The following GRID2 variants were observed in gnomAD, a reference collection of about 807,000 sequenced individuals.
GRID2 encodes glutamate ionotropic receptor delta type subunit 2, also known as glutamate receptor ionotropic, delta-2.
In GRID2, 33 loss-of-function variants were observed where a neutral mutation model predicts 114.8. That is an observed-to-expected ratio of 0.29 (90% CI 0.22 to 0.38). GRID2 has a LOEUF of 0.38. Ranked by LOEUF, GRID2 falls within the 10% of genes least tolerant of loss-of-function variation. The probability of loss-of-function intolerance (pLI) is 1.00; values close to 1 mark genes in which losing one functional copy is unlikely to be tolerated. For missense variants in GRID2, 1,184 were observed against 1,257.7 expected (o/e 0.94, Z 0.89); for synonymous variants, 505 against 449.9 (o/e 1.12, Z -1.55).
chr4:92,980,879 C>T (rs2149187119), intron 2 of GRID2, among the ~76,000 whole-genome samples: 1 of 152,070 alleles, frequency 6.6e-6, no homozygotes, highest in South Asian at 2.1e-4. Flanking sequence ...TAGCTACTTA[C>T]CCAGCTGGCA....
intron 3 of GRID2, among the ~76,000 whole-genome samples, chr4:93,091,133 T>C (rs940637218): frequency 6.6e-6 from 1 of 152,152 alleles, no homozygotes; most frequent in African/African-American, 2.4e-5. Flanking sequence ...ACAAAAGCAA[T>C]ATAACCTAAA....
intron 14 of GRID2, among the ~76,000 whole-genome samples, chr4:93,729,101 T>C (rs1730232917): frequency 6.6e-6 from 1 of 152,140 alleles, no homozygotes; most frequent in Non-Finnish European, 1.5e-5. Flanking sequence ...TTTAACTATG[T>C]TGGTCAGGCT....
chr4:92,712,611 GTGT>G (rs1735310152), intron 2 of GRID2, among the ~76,000 whole-genome samples: 1 of 152,040 alleles, frequency 6.6e-6, no homozygotes, highest in African/African-American at 2.4e-5. Context: ...GGAAGAATGG[GTGT>G]TTTTTATTTA....
At chr4:93,002,642 G>T (rs555968017) in intron 2 of GRID2, among the ~76,000 whole-genome samples, 1 of 151,344 alleles carries the variant, frequency 6.6e-6, no homozygotes. Context: ...TTTCCCCCCG[G>T]TACTTGAAAG....
intron 2 of GRID2, chr4:92,822,268 CGCATGGCATG>C: frequency 1.7e-6 from 1 of 578,008 alleles, no homozygotes; most frequent in East Asian, 4.5e-5. Context: ...TTGTTGAGAT[CGCATGGCATG>C]GCATGGCATG....
intron 9 of GRID2, among the ~76,000 whole-genome samples, chr4:93,419,693 C>A (rs963148460): frequency 6.6e-6 from 1 of 152,042 alleles, no homozygotes; most frequent in Admixed American, 6.5e-5. Flanking sequence ...TATTCTGTAT[C>A]TTTAACCAGT....
intron 13 of GRID2, among the ~76,000 whole-genome samples, chr4:93,586,891 C>T (rs1737587766): frequency 6.6e-6 from 1 of 152,208 alleles, no homozygotes; most frequent in East Asian, 1.9e-4. Flanking sequence ...TAACCTCATA[C>T]ATATGTACCC....
intron 13 of GRID2, among the ~76,000 whole-genome samples, chr4:93,515,804 G>A (rs548789028): frequency 1.3e-5 from 2 of 152,078 alleles, no homozygotes; most frequent in African/African-American, 2.4e-5. Flanking sequence ...GGATTAAACC[G>A]TCATCTTTAG....
chr4:93,560,239 A>C (rs947182995), intron 13 of GRID2, among the ~76,000 whole-genome samples: 64 of 150,122 alleles, frequency 4.3e-4, no homozygotes, highest in African/African-American at 1.5e-3. Context: ...AAAAAAAAAA[A>C]AAAAAAAAAA....
At chr4:93,267,669 C>A (rs569407753) in intron 8 of GRID2, among the ~76,000 whole-genome samples, 2 of 152,326 alleles carry the variant, frequency 1.3e-5, no homozygotes, top group Admixed American at 1.3e-4. Context: ...AAAACCCTCT[C>A]AGTCCAGTCC....
At chr4:93,475,136 G>T (rs1725199765) in intron 11 of GRID2, among the ~76,000 whole-genome samples, 1 of 152,028 alleles carries the variant, frequency 6.6e-6, no homozygotes. Context: ...ATCAATTCAA[G>T]TCCCTAACTC....
intron 2 of GRID2, among the ~76,000 whole-genome samples, chr4:92,601,868 A>G (rs1461133560): frequency 6.6e-6 from 1 of 152,184 alleles, no homozygotes; most frequent in Non-Finnish European, 1.5e-5. Flanking sequence ...CAACCATCAG[A>G]GAATACTATA....
At chr4:93,390,130 C>A (rs1174302330) in intron 8 of GRID2, among the ~76,000 whole-genome samples, 1 of 152,128 alleles carries the variant, frequency 6.6e-6, no homozygotes, top group East Asian at 1.9e-4. Context: ...CTTGGCTATA[C>A]ATTGGAATTA....
At chr4:93,538,404 TA>T (rs938770297) in intron 13 of GRID2, among the ~76,000 whole-genome samples, 4 of 151,570 alleles carry the variant, frequency 2.6e-5, no homozygotes, top group East Asian at 1.9e-4. Flanking sequence ...AATTATTGAA[TA>T]AAAAAAGTGG....
intron 15 of GRID2, among the ~76,000 whole-genome samples, chr4:93,769,690 C>T (rs1222030881): frequency 6.6e-6 from 1 of 152,116 alleles, no homozygotes; most frequent in African/African-American, 2.4e-5. Flanking sequence ...AATTCATATA[C>T]CATAATGGGC....
At chr4:92,430,062 C>T (rs1732365371) in intron 1 of GRID2, among the ~76,000 whole-genome samples, 1 of 152,076 alleles carries the variant, frequency 6.6e-6, no homozygotes, top group Non-Finnish European at 1.5e-5. Flanking sequence ...GTTGTCTCTT[C>T]ACTTTTTTGA....
At chr4:92,716,818 T>C (rs1735575032) in intron 2 of GRID2, among the ~76,000 whole-genome samples, 1 of 152,196 alleles carries the variant, frequency 6.6e-6, no homozygotes. Context: ...GTTTAAAATC[T>C]GGGAGTCCTG....
At chr4:93,365,211 G>A (rs1028266765) in intron 8 of GRID2, among the ~76,000 whole-genome samples, 5 of 152,076 alleles carry the variant, frequency 3.3e-5, no homozygotes, top group Non-Finnish European at 5.9e-5. Flanking sequence ...TTTGTTTAGG[G>A]TGCAATGAGT....
rs557878527 is a variant in GRID2, at chr4:92,333,830, A to G, written c.88+29086A>G. On this transcript the variant is annotated intron_variant, in intron 1 of 15. Transcript: ENST00000282020. Reference sequence around the variant, plus strand: ...GATTAGCATCAAATTCCTGGTTTCAAGTGATCCTCCTGCCTCAGCCTCCTA... The same window carrying G: ...GATTAGCATCAAATTCCTGGTTTCAGGTGATCCTCCTGCCTCAGCCTCCTA... Among the ~76,000 whole-genome samples, 4 of 152,254 alleles carry G rather than the reference A, an allele frequency of 2.6e-5. No homozygotes were observed. The East Asian group carries it at 5.8e-4, about 22-fold the overall frequency.
Sources: gnomAD v4.1 joint callset for allele counts (sites outside exome capture counted in the v4.1 genomes callset) on GRCh38, gnomAD v4.1.1 for gene constraint, MANE v1.5 for transcripts, NCBI Gene and HGNC (gene_info 2026-07-23, HGNC 2026-07-21) for gene names.